Variants in AFAP1L1 observed in about 807,000 individuals in gnomAD.
AFAP1L1 encodes the protein actin filament-associated protein 1-like 1.
A neutral mutation model predicts 99.8 loss-of-function variants in AFAP1L1; 77 were observed. The observed-to-expected ratio is 0.77, with a 90% CI of 0.64 to 0.93. The LOEUF (loss-of-function observed/expected upper bound fraction) is 0.93, where lower values mean the gene tolerates loss of function less well. Among genes scored for constraint, AFAP1L1 ranks in the 40% least tolerant of loss-of-function variants. The probability of loss-of-function intolerance (pLI) is 0.00; values close to 1 mark genes in which losing one functional copy is unlikely to be tolerated. For missense variants in AFAP1L1, 893 were observed against 996.8 expected, an observed-to-expected ratio of 0.90 and a Z score of 1.40; for synonymous variants, 373 against 395.3, an observed-to-expected ratio of 0.94 and a Z score of 0.67.
intron 1 of AFAP1L1, among the ~76,000 whole-genome samples, chr5:149,290,999 C>G (rs1755835931): frequency 6.6e-6 from 1 of 152,116 alleles, no homozygotes; most frequent in South Asian, 2.1e-4. Context: ...CAAAATCTTG[C>G]CATGTGAAGT....
intron 13 of AFAP1L1, 117 bp downstream of exon 13, chr5:149,319,844 G>A (rs751512574): frequency 8.6e-6 from 12 of 1,392,968 alleles, no homozygotes; most frequent in African/African-American, 8.6e-5. Context: ...GGAAAGCTCC[G>A]CTTCCTTGGT....
rs527366249 is a variant in AFAP1L1 at position 149,307,161 on chromosome 5, C to T, written c.536-241C>T. ...ACTTGGGAGGCTGAGACAGGAGAAT[C>T]GCTTGAATTCGGGAGGTAGAGGTTG... On this transcript the variant is annotated intron_variant, in intron 6 of 18. Transcript: ENST00000296721. Among the ~76,000 whole-genome samples, 122 of 152,118 alleles carry T rather than the reference C, an allele frequency of 8.0e-4. 1 individual carries two copies. Among genetic ancestry groups the T allele is most frequent in the African/African-American group, 2.4e-3 (98 of 41,488 alleles).
intron 1 of AFAP1L1, among the ~76,000 whole-genome samples, chr5:149,286,334 G>A (rs1475103080): frequency 6.6e-6 from 1 of 152,158 alleles, no homozygotes; most frequent in Non-Finnish European, 1.5e-5. Context: ...CTACCAGGAG[G>A]TAGCAGTTGG....
At chr5:149,306,004 T>C (rs1756398769) in intron 5 of AFAP1L1, among the ~76,000 whole-genome samples, 1 of 152,070 alleles carries the variant, frequency 6.6e-6, no homozygotes, top group African/African-American at 2.4e-5. Context: ...AGATCTTTGA[T>C]CTGGGTCTTG....
intron 1 of AFAP1L1, among the ~76,000 whole-genome samples, chr5:149,295,356 G>A (rs1202018827): frequency 6.6e-6 from 1 of 152,196 alleles, no homozygotes; most frequent in East Asian, 1.9e-4. Context: ...GAGAGCTCAG[G>A]TTTTTAAATG....
intron 7 of AFAP1L1, among the ~76,000 whole-genome samples, chr5:149,309,382 T>C (rs1166836366): frequency 6.6e-6 from 1 of 152,206 alleles, no homozygotes; most frequent in Admixed American, 6.5e-5. Flanking sequence ...GGTCTTGATG[T>C]AGCTGCTTTT....
At chr5:149,273,790 C>A (rs1460331592) in intron 1 of AFAP1L1, among the ~76,000 whole-genome samples, 2 of 151,310 alleles carry the variant, frequency 1.3e-5, no homozygotes, top group East Asian at 1.9e-4. Context: ...TAGTCGCCCG[C>A]CACCTCCCCA....
At chr5:149,332,650 T>C in intron 16 of AFAP1L1, 45 bp from the exon 17 acceptor site, 1 of 1,576,128 alleles carries the variant, frequency 6.3e-7, no homozygotes, top group Non-Finnish European at 8.6e-7. Flanking sequence ...TCCCTGACAT[T>C]TCAGGTCAGG....
Position 149,340,760 on chromosome 5 carries a change from A to G in AFAP1L1, c.*730A>G, listed in dbSNP as rs1398632539. 1 of 152,232 alleles carries G rather than the reference A, an allele frequency of 6.6e-6. No individual in the cohort carries two copies. Among genetic ancestry groups the G allele is most frequent in the African/African-American group, 2.4e-5 (1 of 41,474 alleles). The allele number at this position is 152,232 out of a possible 1,614,324, so 9.4% of individuals were successfully genotyped here. A position where few individuals can be genotyped will look rare whatever the true frequency, so the allele number is the denominator to read the frequency against. ...CACAGTGATACTCAGTGACAGGAGC[A>G]CAGAGCTCTAATGTCCACAGGATGT... is the stretch of plus-strand genomic sequence containing the variant. On this transcript the variant is annotated 3_prime_UTR_variant, in exon 19 of 19. Transcript: ENST00000296721.
Position 149,339,153 on chromosome 5 carries a change from T to C in AFAP1L1, c.2284-854T>C, listed in dbSNP as rs185392197. ...GCCATGGACAATATGAAAATGATGATGAAAATGGCTGTGTCCCAATAAAGC... is the reference window on the plus strand; with the variant it reads ...GCCATGGACAATATGAAAATGATGACGAAAATGGCTGTGTCCCAATAAAGC... On this transcript the variant is annotated intron_variant, in intron 18 of 18. Coordinates refer to ENST00000296721, the MANE Select transcript of AFAP1L1 (RefSeq NM_152406.4). 1.6e-3 allele frequency among the ~76,000 whole-genome samples: 244 copies of C among 150,840 alleles called. 1 individual carries two copies. Among genetic ancestry groups the C allele is most frequent in the African/African-American group, 5.7e-3 (232 of 40,966 alleles).
chr5:149,280,789 C>T (rs890378420), intron 1 of AFAP1L1, among the ~76,000 whole-genome samples: 10 of 152,152 alleles, frequency 6.6e-5, no homozygotes, highest in African/African-American at 9.7e-5. Context: ...TTCGGAGATG[C>T]ATTGTGTTTA....
intron 1 of AFAP1L1, among the ~76,000 whole-genome samples, chr5:149,286,724 A>G (rs1356289790): frequency 1.3e-5 from 2 of 152,212 alleles, no homozygotes; most frequent in Non-Finnish European, 2.9e-5. Context: ...GCTTCTCAAC[A>G]GCATCATCAG....
At chr5:149,314,596 C>G (rs562292380) in intron 9 of AFAP1L1, among the ~76,000 whole-genome samples, 1 of 152,308 alleles carries the variant, frequency 6.6e-6, no homozygotes, top group African/African-American at 2.4e-5. Flanking sequence ...CATTGCAGAA[C>G]ACATAGAGCC....
At chr5:149,324,743 G>T (rs751581460) in intron 15 of AFAP1L1, among the ~76,000 whole-genome samples, 2 of 152,148 alleles carry the variant, frequency 1.3e-5, no homozygotes, top group Non-Finnish European at 2.9e-5. Context: ...TTCTAAGATG[G>T]CTCACTGCAT....
At chr5:149,334,817 G>A (rs757247737) in intron 17 of AFAP1L1, among the ~76,000 whole-genome samples, 1 of 151,968 alleles carries the variant, frequency 6.6e-6, no homozygotes, top group Non-Finnish European at 1.5e-5. Context: ...GCTGAGGCAA[G>A]AGAATCACTT....
intron 8 of AFAP1L1, among the ~76,000 whole-genome samples, chr5:149,310,433 C>T (rs1208097432): frequency 2.6e-5 from 4 of 152,164 alleles, no homozygotes; most frequent in Non-Finnish European, 5.9e-5. Context: ...TTAGTATGTA[C>T]AAAGGAAGCT....
At chr5:149,281,571 A>G (rs1014440403) in intron 1 of AFAP1L1, among the ~76,000 whole-genome samples, 39 of 152,318 alleles carry the variant, frequency 2.6e-4, no homozygotes, top group African/African-American at 9.1e-4. Context: ...AACAATAGCA[A>G]ATGCTTAATA....
chr5:149,331,437 G>T (rs995922398), intron 16 of AFAP1L1, among the ~76,000 whole-genome samples: 1 of 152,078 alleles, frequency 6.6e-6, no homozygotes, highest in Admixed American at 6.6e-5. Flanking sequence ...TGGCTAACAC[G>T]GTGAAACCCC....
intron 2 of AFAP1L1, among the ~76,000 whole-genome samples, chr5:149,300,033 C>CA (rs1218257949): frequency 6.6e-6 from 1 of 152,230 alleles, no homozygotes; most frequent in African/African-American, 2.4e-5. Flanking sequence ...ATACGCCTGA[C>CA]AGCCCCAGTA....
Sources: gnomAD v4.1 joint callset for allele counts (sites outside exome capture counted in the v4.1 genomes callset) on GRCh38, gnomAD v4.1.1 for gene constraint, MANE v1.5 for transcripts, NCBI Gene and HGNC (gene_info 2026-07-23, HGNC 2026-07-21) for gene names.